Variants in PRKCE observed in about 807,000 individuals in gnomAD.
PRKCE encodes protein kinase C epsilon type.
A neutral mutation model predicts 85.4 loss-of-function variants in PRKCE; 16 were observed. That is an observed-to-expected ratio of 0.19 (90% CI 0.13 to 0.28). The LOEUF (loss-of-function observed/expected upper bound fraction) is 0.28, where lower values mean the gene tolerates loss of function less well. PRKCE is among the 10% of genes least tolerant of loss of function. PRKCE has a pLI of 1.00. For missense variants in PRKCE, 573 were observed against 975.2 expected (o/e 0.59, Z 5.49); for synonymous variants, 388 against 371.5 (o/e 1.04, Z -0.51).
chr2:45,894,358 A>G (rs1440937182), intron 2 of PRKCE, among the ~76,000 whole-genome samples: 4 of 151,562 alleles, frequency 2.6e-5, no homozygotes, highest in African/African-American at 9.7e-5. Flanking sequence ...GCGACATCTT[A>G]AGGGAAAGGA....
intron 2 of PRKCE, among the ~76,000 whole-genome samples, chr2:45,974,922 C>T (rs1702344515): frequency 6.6e-6 from 1 of 152,136 alleles, no homozygotes; most frequent in South Asian, 2.1e-4. Context: ...CCAAAGCCTG[C>T]CCACTGTGTT....
In PRKCE at chr2:45,972,363, T is replaced by C. The variant is rs372996228; in HGVS notation, c.413-4066T>C. Reference sequence around the variant, plus strand: ...GGAGTTTCTTATGTATTTTGGATATTAACCCTTTCTCAAATATACAGTTTG... The same window carrying C: ...GGAGTTTCTTATGTATTTTGGATATCAACCCTTTCTCAAATATACAGTTTG... On this transcript the variant is annotated intron_variant, in intron 2 of 14. Transcript: ENST00000306156. Among the ~76,000 whole-genome samples, 15 of 152,368 alleles carry C rather than the reference T, an allele frequency of 9.8e-5. No homozygotes were observed. The East Asian group carries it at 1.7e-3, about 18-fold the overall frequency.
At chr2:45,898,325 T>A (rs1350885707) in intron 2 of PRKCE, among the ~76,000 whole-genome samples, 3 of 152,116 alleles carry the variant, frequency 2.0e-5, no homozygotes, top group African/African-American at 7.2e-5. Context: ...CACATGAAAT[T>A]ATGTTCAGTC....
chr2:45,990,020 G>A (rs555388691), intron 6 of PRKCE, among the ~76,000 whole-genome samples: 2 of 152,306 alleles, frequency 1.3e-5, no homozygotes, highest in South Asian at 4.1e-4. Flanking sequence ...CTGCGTTAGA[G>A]TCTATTGCTA....
intron 11 of PRKCE, among the ~76,000 whole-genome samples, chr2:46,124,312 G>A (rs1482614226): frequency 2.0e-5 from 3 of 152,246 alleles, no homozygotes; most frequent in South Asian, 2.1e-4. Context: ...GCAACAGAGC[G>A]AGACTGCATC....
At chr2:45,891,571 C>CG (rs1558801110) in intron 2 of PRKCE, among the ~76,000 whole-genome samples, 1 of 152,182 alleles carries the variant, frequency 6.6e-6, no homozygotes, top group African/African-American at 2.4e-5. Flanking sequence ...CAAGGTGGGC[C>CG]ACACACCTAA....
intron 10 of PRKCE, among the ~76,000 whole-genome samples, chr2:46,048,396 C>T (rs998881115): frequency 6.6e-6 from 1 of 152,146 alleles, no homozygotes; most frequent in Non-Finnish European, 1.5e-5. Context: ...TTTTGTATTC[C>T]AGCCCCCATC....
chr2:46,162,638 G>A (rs1023769224), intron 14 of PRKCE, among the ~76,000 whole-genome samples: 8 of 152,188 alleles, frequency 5.3e-5, no homozygotes, highest in African/African-American at 9.7e-5. Context: ...AGGCTAAAAC[G>A]GAAAGCTGAC....
chr2:45,778,142 C>T (rs1435420099), intron 1 of PRKCE, among the ~76,000 whole-genome samples: 3 of 152,044 alleles, frequency 2.0e-5, no homozygotes, highest in East Asian at 3.9e-4. Context: ...CAAATGTTTT[C>T]CCAAGTCCCT....
chr2:46,158,307 G>A (rs1677416912), intron 13 of PRKCE, among the ~76,000 whole-genome samples: 1 of 152,210 alleles, frequency 6.6e-6, no homozygotes, highest in South Asian at 2.1e-4. Flanking sequence ...CAACCAGAGG[G>A]AAGAAAGAAT....
chr2:45,700,026 C>A (rs1449135434), intron 1 of PRKCE, among the ~76,000 whole-genome samples: 4 of 151,966 alleles, frequency 2.6e-5, no homozygotes, highest in Non-Finnish European at 4.4e-5. Context: ...AGGCAGTGGC[C>A]AGGCCCAGCC....
At chr2:45,884,445 G>A (rs1695095116) in intron 2 of PRKCE, among the ~76,000 whole-genome samples, 1 of 152,126 alleles carries the variant, frequency 6.6e-6, no homozygotes, top group African/African-American at 2.4e-5. Flanking sequence ...TCCCTGTTCT[G>A]CAATCCTTGT....
chr2:45,817,157 G>A (rs1027694429), intron 1 of PRKCE, among the ~76,000 whole-genome samples: 5 of 150,156 alleles, frequency 3.3e-5, no homozygotes, highest in East Asian at 2.0e-4. Context: ...TTTGGGCAAC[G>A]CTTTGCAGCC....
intron 1 of PRKCE, among the ~76,000 whole-genome samples, chr2:45,747,744 A>T (rs1468138711): frequency 6.6e-6 from 1 of 152,220 alleles, no homozygotes; most frequent in Admixed American, 6.5e-5. Flanking sequence ...TAGGTGATAT[A>T]GTAATTCTAT....
Position 45,895,024 on chromosome 2 carries a change from C to G in PRKCE, c.412+51961C>G, listed in dbSNP as rs552613848. 1.5e-4 allele frequency among the ~76,000 whole-genome samples: 23 copies of G among 152,270 alleles called. No homozygotes were observed. The highest frequency in any genetic ancestry group is 4.6e-4 in the Admixed American group (7 of 15,296). On this transcript the variant is annotated intron_variant, in intron 2 of 14. Transcript: ENST00000306156. The surrounding 1 kb of genome is among the most constrained non-coding windows in gnomAD (Gnocchi z 4.8). ...AGGCATCAGCCCCTGTGCCCCCGTT[C>G]GTTTGTTTTGAGTGAACACATAAAT...
At position 46,086,213 on chromosome 2, in the gene PRKCE, C is replaced by T. The variant is rs1669626563; in HGVS notation, c.1443C>T (p.Arg481=). The T allele has an allele frequency of 1.1e-5, 17 of 1,599,528 alleles. No individual in the cohort carries two copies. Among genetic ancestry groups the T allele is most frequent in the Non-Finnish European group, 1.4e-5 (17 of 1,179,914 alleles). The change falls in exon 11 of 15, where the codon CGC becomes CGT. Residue 481 remains arginine (R), a synonymous_variant. Coordinates refer to ENST00000306156, the MANE Select transcript of PRKCE (RefSeq NM_005400.3). ...ATTTTCTTCTCTCCTTTCAGGACCG[C>T]CTCTTTTTCGTCATGGAATATGTAA... is the stretch of plus-strand genomic sequence containing the variant. ...QLYCCFQTKD[R]LFFVMEYVNG...
intron 3 of PRKCE, 44 bp from the exon 4 acceptor site, chr2:45,978,932 G>A (rs10171157): frequency 0.028 from 44,451 of 1,582,794 alleles, 1,399 homozygotes; most frequent in South Asian, 0.13. Context: ...TTTTGACCTG[G>A]TAAGATTTCA....
chr2:46,069,333 G>C (rs1449438184), intron 10 of PRKCE, among the ~76,000 whole-genome samples: 1 of 152,158 alleles, frequency 6.6e-6, no homozygotes, highest in East Asian at 1.9e-4. Flanking sequence ...GGTTTCTGAA[G>C]GCTGTCAGTA....
At chr2:46,067,039 A>G (rs911898660) in intron 10 of PRKCE, among the ~76,000 whole-genome samples, 1 of 152,258 alleles carries the variant, frequency 6.6e-6, no homozygotes, top group Non-Finnish European at 1.5e-5. Flanking sequence ...AGAGCCTGAC[A>G]TGATAAAAAG....
Sources: allele counts gnomAD v4.1 joint callset (sites outside exome capture counted in the v4.1 genomes callset), GRCh38; gene constraint gnomAD v4.1.1; non-coding constraint Gnocchi (gnomAD v3.1); transcripts MANE v1.5; gene names NCBI Gene and HGNC (gene_info 2026-07-23, HGNC 2026-07-21).